TNRC6C: variants seen among roughly 807,000 people sequenced by gnomAD.
TNRC6C encodes the protein trinucleotide repeat containing adaptor 6C.
A neutral mutation model predicts 153.7 loss-of-function variants in TNRC6C; 20 were observed. That is an observed-to-expected ratio of 0.13 (90% CI 0.09 to 0.19). The LOEUF (loss-of-function observed/expected upper bound fraction) is 0.19. Ranked by LOEUF, TNRC6C falls within the 10% of genes least tolerant of loss-of-function variation. TNRC6C has a pLI of 1.00. For synonymous variants in TNRC6C, 811 were observed against 841.4 expected, an observed-to-expected ratio of 0.96 and a Z score of 0.63; for missense variants, 1,987 against 2,172.0, an observed-to-expected ratio of 0.91 and a Z score of 1.69.
At chr17:78,047,226 CTTAT>C (rs1165294924) in intron 2 of TNRC6C, among the ~76,000 whole-genome samples, 6 of 151,958 alleles carry the variant, frequency 3.9e-5, no homozygotes, top group Non-Finnish European at 8.8e-5. Flanking sequence ...TGAGGAATGG[CTTAT>C]TTATCTCTTT....
intron 1 of TNRC6C, among the ~76,000 whole-genome samples, chr17:77,969,294 G>A (rs1025486800): frequency 1.3e-5 from 2 of 151,744 alleles, no homozygotes; most frequent in East Asian, 1.9e-4. Context: ...GCTGTCACCA[G>A]GCTGGAGTGC....
At chr17:78,004,264 A>C, upstream of TNRC6C, 2 of 1,231,702 alleles carry the variant, frequency 1.6e-6, no homozygotes, top group Non-Finnish European at 2.0e-6. Context: ...AGGTGCTCAG[A>C]AAAAGGTTTG....
At chr17:78,088,634 T>TG (rs1168884855) in intron 13 of TNRC6C, among the ~76,000 whole-genome samples, 1 of 148,462 alleles carries the variant, frequency 6.7e-6, no homozygotes, top group Admixed American at 6.7e-5. Context: ...TTCTCTCTCT[T>TG]TTTTTTTTTG....
At chr17:78,046,889 T>G (rs2072422437) in intron 2 of TNRC6C, among the ~76,000 whole-genome samples, 2 of 152,242 alleles carry the variant, frequency 1.3e-5, no homozygotes, top group Admixed American at 6.5e-5. Flanking sequence ...AATTGGGGGC[T>G]GAGCAATCCT....
At chr17:78,013,373 G>C (rs1226544375) in intron 1 of TNRC6C, among the ~76,000 whole-genome samples, 1 of 152,186 alleles carries the variant, frequency 6.6e-6, no homozygotes, top group East Asian at 1.9e-4. Flanking sequence ...CAGTGCATAG[G>C]TCAGACTCCA....
chr17:77,976,893 C>T (rs1285858190), intron 1 of TNRC6C, among the ~76,000 whole-genome samples: 2 of 126,014 alleles, frequency 1.6e-5, no homozygotes, highest in African/African-American at 6.0e-5. Flanking sequence ...TGCACCATTG[C>T]ACTCCAGCTC....
intron 3 of TNRC6C, among the ~76,000 whole-genome samples, chr17:78,054,053 T>C (rs1272553585): frequency 1.3e-5 from 2 of 152,208 alleles, no homozygotes; most frequent in Non-Finnish European, 2.9e-5. Flanking sequence ...GTACAGCCTG[T>C]TGCTCCTAGG....
At chr17:78,047,332 G>T (rs1347341990) in intron 2 of TNRC6C, among the ~76,000 whole-genome samples, 1 of 152,210 alleles carries the variant, frequency 6.6e-6, no homozygotes, top group Admixed American at 6.5e-5. Flanking sequence ...ATAATTGGCA[G>T]TGAAAAGAAC....
At chr17:77,976,818 A>G (rs1306050599) in intron 1 of TNRC6C, among the ~76,000 whole-genome samples, 2 of 148,290 alleles carry the variant, frequency 1.3e-5, no homozygotes, top group Non-Finnish European at 3.0e-5. Flanking sequence ...AATCCCAGCT[A>G]TTGGGGAGGC....
upstream of TNRC6C, among the ~76,000 whole-genome samples, chr17:77,958,247 C>G (rs896534502): frequency 6.6e-6 from 1 of 151,934 alleles, no homozygotes; most frequent in Admixed American, 6.5e-5. Context: ...CGCGCAGAAC[C>G]GGATCGGCAC....
At chr17:78,069,964 A>G (rs983230403) in intron 5 of TNRC6C, among the ~76,000 whole-genome samples, 1 of 152,222 alleles carries the variant, frequency 6.6e-6, no homozygotes, top group African/African-American at 2.4e-5. Flanking sequence ...GAGAACAGGA[A>G]CTAAGCAAAT....
At chr17:78,057,019 C>G (rs1041003158) in intron 3 of TNRC6C, among the ~76,000 whole-genome samples, 1 of 152,064 alleles carries the variant, frequency 6.6e-6, no homozygotes, top group South Asian at 2.1e-4. Context: ...TGCGTGTGCT[C>G]TTTGTAGGTG....
intron 1 of TNRC6C, among the ~76,000 whole-genome samples, chr17:77,991,126 T>C (rs2071243556): frequency 6.6e-6 from 1 of 152,176 alleles, no homozygotes; most frequent in East Asian, 1.9e-4. Flanking sequence ...TCTGTACAAG[T>C]GTTAATAGGA....
At chr17:77,972,689 A>G (rs2070948921) in intron 1 of TNRC6C, among the ~76,000 whole-genome samples, 1 of 152,240 alleles carries the variant, frequency 6.6e-6, no homozygotes, top group Admixed American at 6.5e-5. Context: ...GAATGGACAT[A>G]TAGCAAGAAA....
intron 1 of TNRC6C, among the ~76,000 whole-genome samples, chr17:78,030,954 C>G (rs1233083717): frequency 1.3e-5 from 2 of 152,078 alleles, no homozygotes; most frequent in Non-Finnish European, 2.9e-5. Flanking sequence ...TAAAAAGTAT[C>G]TGGGCTTGGT....
At chr17:77,993,982 C>T (rs1187409975) in intron 1 of TNRC6C, among the ~76,000 whole-genome samples, 1 of 152,048 alleles carries the variant, frequency 6.6e-6, no homozygotes, top group Non-Finnish European at 1.5e-5. Context: ...CACCTGAGGT[C>T]AGGCGTTTGA....
chr17:78,090,719 C>T (rs1005523707), intron 13 of TNRC6C, among the ~76,000 whole-genome samples: 1 of 152,182 alleles, frequency 6.6e-6, no homozygotes, highest in Non-Finnish European at 1.5e-5. Flanking sequence ...AAGGAATGAG[C>T]CCAGAAGCCT....
At chr17:78,031,416 C>T (rs976798968) in intron 1 of TNRC6C, 100 bp from the exon 4 acceptor site, 1 of 902,686 alleles carries the variant, frequency 1.1e-6, no homozygotes, top group African/African-American at 1.7e-5. Context: ...ACTACATTGT[C>T]ATTTTTTCTC....
At chr17:77,960,633 A>G (rs2144019174) in intron 1 of TNRC6C, among the ~76,000 whole-genome samples, 1 of 152,338 alleles carries the variant, frequency 6.6e-6, no homozygotes, top group Admixed American at 6.5e-5. Context: ...GTACTGTATG[A>G]AAGAATAAAT....
Sources: allele counts gnomAD v4.1 joint callset (sites outside exome capture counted in the v4.1 genomes callset), GRCh38; gene constraint gnomAD v4.1.1; transcripts MANE v1.5; gene names NCBI Gene and HGNC (gene_info 2026-07-23, HGNC 2026-07-21).